The following LINGO2 variants were observed in gnomAD, a reference collection of about 807,000 sequenced individuals.
LINGO2 encodes the protein leucine rich repeat and Ig domain containing 2.
Under a neutral mutation model 30.6 loss-of-function variants are expected in LINGO2, and 14 were observed. The ratio of observed to expected loss-of-function variants is 0.46; its 90% CI spans 0.30 to 0.72. LINGO2 has a LOEUF of 0.72. LINGO2 is among the 30% of genes least tolerant of loss of function. The pLI is 0.07. For missense variants in LINGO2, 729 were observed against 751.7 expected (o/e 0.97, Z 0.35); for synonymous variants, 317 against 288.5 (o/e 1.10, Z -1.00).
intron 5 of LINGO2, among the ~76,000 whole-genome samples, chr9:27,952,668 A>G (rs77750001): frequency 0.02 from 3,080 of 152,180 alleles, 104 homozygotes; most frequent in African/African-American, 0.07. Context: ...GGCATTTTAA[A>G]TCAGTGAGAA....
the LINGO2 span, among the ~76,000 whole-genome samples, chr9:29,114,059 T>C: frequency 2.0e-5 from 3 of 152,216 alleles, no homozygotes; most frequent in Non-Finnish European, 4.4e-5. Context: ...GGAGAGTTTC[T>C]AGGGGAAATC....
chr9:28,199,618 G>A (rs1213064300), intron 4 of LINGO2, among the ~76,000 whole-genome samples: 2 of 152,130 alleles, frequency 1.3e-5, no homozygotes, highest in East Asian at 3.9e-4. Flanking sequence ...GATTACAGGC[G>A]TGAGCCACTG....
chr9:28,653,992 G>T (rs766419309), intron 1 of LINGO2, among the ~76,000 whole-genome samples: 3 of 151,924 alleles, frequency 2.0e-5, no homozygotes, highest in Admixed American at 6.6e-5. Context: ...TATTTTTTAC[G>T]TTTATCTATT....
At chr9:28,368,369 A>G (rs1820758077) in intron 3 of LINGO2, among the ~76,000 whole-genome samples, 1 of 152,174 alleles carries the variant, frequency 6.6e-6, no homozygotes, top group Non-Finnish European at 1.5e-5. Flanking sequence ...GGGAGAAAAC[A>G]GTATCCCTAT....
At chr9:28,650,045 A>AAC in intron 1 of LINGO2, among the ~76,000 whole-genome samples, 1 of 152,106 alleles carries the variant, frequency 6.6e-6, no homozygotes, top group Non-Finnish European at 1.5e-5. Flanking sequence ...GGAAAAAAAA[A>AAC]AACAACAACA....
intron 1 of LINGO2, among the ~76,000 whole-genome samples, chr9:28,490,487 G>T (rs1826352478): frequency 6.6e-6 from 1 of 152,086 alleles, no homozygotes; most frequent in Admixed American, 6.6e-5. Flanking sequence ...TGAGCAACTG[G>T]GTTAAACAAT....
At chr9:28,807,922 A>C in the LINGO2 span, among the ~76,000 whole-genome samples, 2 of 152,128 alleles carry the variant, frequency 1.3e-5, no homozygotes, top group Non-Finnish European at 1.5e-5. Context: ...TGAAAGAAGA[A>C]AAAAAATAAG....
At chr9:28,848,768 C>T in the LINGO2 span, among the ~76,000 whole-genome samples, 2 of 151,654 alleles carry the variant, frequency 1.3e-5, no homozygotes, top group Non-Finnish European at 2.9e-5. Flanking sequence ...ACATTTTTAT[C>T]TCAATATTGT....
intron 1 of LINGO2, among the ~76,000 whole-genome samples, chr9:28,618,459 C>G (rs1411364498): frequency 6.6e-6 from 1 of 152,124 alleles, no homozygotes; most frequent in Non-Finnish European, 1.5e-5. Context: ...TTCCTCCATA[C>G]AATTCATTCA....
chr9:28,653,746 C>T (rs930758835), intron 1 of LINGO2, among the ~76,000 whole-genome samples: 7 of 151,990 alleles, frequency 4.6e-5, no homozygotes, highest in Non-Finnish European at 8.8e-5. Flanking sequence ...ATACACTGTA[C>T]GGGATTGTTT....
chr9:28,298,418 C>A (rs189053452), intron 3 of LINGO2, among the ~76,000 whole-genome samples: 1 of 150,808 alleles, frequency 6.6e-6, no homozygotes, highest in Non-Finnish European at 1.5e-5. Flanking sequence ...GTAATCCCAG[C>A]ACTTTGGGAG....
chr9:28,313,304 C>T (rs1165211333), intron 3 of LINGO2, among the ~76,000 whole-genome samples: 5 of 152,170 alleles, frequency 3.3e-5, no homozygotes, highest in African/African-American at 9.6e-5. Context: ...GGTCTCTGGG[C>T]TCCTGCTCAC....
At chr9:28,007,482 T>A (rs1330814041) in intron 5 of LINGO2, among the ~76,000 whole-genome samples, 1 of 152,308 alleles carries the variant, frequency 6.6e-6, no homozygotes, top group Non-Finnish European at 1.5e-5. Context: ...AAAATGTCCT[T>A]TTAATTATAT....
At chr9:29,053,405 C>T in the LINGO2 span, among the ~76,000 whole-genome samples, 3 of 152,036 alleles carry the variant, frequency 2.0e-5, no homozygotes, top group Non-Finnish European at 4.4e-5. Flanking sequence ...TGTTCAATTC[C>T]CACCTATGGG....
At chr9:27,951,387 G>C (rs1819302930) in intron 5 of LINGO2, among the ~76,000 whole-genome samples, 1 of 152,074 alleles carries the variant, frequency 6.6e-6, no homozygotes, top group South Asian at 2.1e-4. Flanking sequence ...TATTGTTTTT[G>C]TTTCTCATAG....
Position 28,528,020 on chromosome 9 carries a change from A to G in LINGO2, c.-364-51995T>C, listed in dbSNP as rs375544775. On this transcript the variant is annotated intron_variant, in intron 1 of 5. Coordinates refer to ENST00000379992, the Ensembl canonical transcript of LINGO2. ...CAGTAAATAATGTCAAAAATATCCA[A>G]TTTATTTTTGGATGATTTTCTTCTC... Among the ~76,000 whole-genome samples, 76 of 152,212 alleles carry G rather than the reference A, an allele frequency of 5.0e-4. 1 individual carries two copies. The East Asian group carries it at 0.012, about 25-fold the overall frequency.
At chr9:28,809,486 C>G in the LINGO2 span, among the ~76,000 whole-genome samples, 3 of 152,300 alleles carry the variant, frequency 2.0e-5, no homozygotes, top group Middle Eastern at 3.4e-3. Context: ...TGGCTCACGC[C>G]TGTAATCCCA....
chr9:29,131,557 G>C, the LINGO2 span, among the ~76,000 whole-genome samples: 2 of 151,956 alleles, frequency 1.3e-5, no homozygotes, highest in Non-Finnish European at 2.9e-5. Context: ...ACTCCTATCA[G>C]ATAAACGTTT....
chr9:29,084,092 T>A, the LINGO2 span, among the ~76,000 whole-genome samples: 1 of 147,562 alleles, frequency 6.8e-6, no homozygotes, highest in African/African-American at 2.5e-5. Context: ...AGTAATAAAT[T>A]TGATTTAATT....
Sources: gnomAD v4.1 joint callset for allele counts (sites outside exome capture counted in the v4.1 genomes callset) on GRCh38, gnomAD v4.1.1 for gene constraint, MANE v1.5 for transcripts, NCBI Gene and HGNC (gene_info 2026-07-23, HGNC 2026-07-21) for gene names.